SEMA5A: variants seen among roughly 807,000 people sequenced by gnomAD.
SEMA5A encodes the protein semaphorin-5A.
In SEMA5A, 55 loss-of-function variants were observed where a neutral mutation model predicts 135.5. The observed-to-expected ratio is 0.41, with a 90% CI of 0.33 to 0.51. SEMA5A has a LOEUF of 0.51. SEMA5A is among the 20% of genes least tolerant of loss of function. The pLI, the probability that SEMA5A is intolerant of heterozygous loss-of-function variation, is 0.37. For synonymous variants in SEMA5A, 580 were observed against 546.5 expected (o/e 1.06, Z -0.85); for missense variants, 1,290 against 1,419.9 (o/e 0.91, Z 1.47).
chr5:9,535,576 A>G (rs1737715136), intron 1 of SEMA5A, among the ~76,000 whole-genome samples: 1 of 72,768 alleles, frequency 1.4e-5, no homozygotes, highest in Non-Finnish European at 3.3e-5. Flanking sequence ...GTTGTTTAAA[A>G]AAAAAATGCA....
At position 9,044,063 on chromosome 5, in the gene SEMA5A, G is replaced by C. The variant is rs1736106577; in HGVS notation, c.3105+310C>G. ...CCCCAGATCTACCATCTGAGTGAGG[G>C]GAGATGCTCATGGCTTGTGGATCTT... On this transcript the variant is annotated intron_variant, in intron 22 of 22. Transcript: ENST00000382496. Among the ~76,000 whole-genome samples the C allele has an allele frequency of 2.0e-5, 3 of 152,166 alleles. No individual in the cohort carries two copies. The South Asian group carries it at 6.2e-4, about 32-fold the overall frequency.
chr5:9,111,188 C>G (rs920801262), intron 15 of SEMA5A, among the ~76,000 whole-genome samples: 1 of 152,054 alleles, frequency 6.6e-6, no homozygotes, highest in African/African-American at 2.4e-5. Flanking sequence ...GAGAAGTAGG[C>G]TATCTCCATT....
At chr5:9,296,349 T>C (rs1422407390) in intron 5 of SEMA5A, among the ~76,000 whole-genome samples, 1 of 152,156 alleles carries the variant, frequency 6.6e-6, no homozygotes, top group Non-Finnish European at 1.5e-5. Flanking sequence ...AACTGCGATT[T>C]GTCAAAAACT....
intron 12 of SEMA5A, among the ~76,000 whole-genome samples, chr5:9,151,021 ATGTTG>A (rs1742607232): frequency 6.6e-6 from 1 of 152,156 alleles, no homozygotes; most frequent in Non-Finnish European, 1.5e-5. Context: ...CCCAGGTCTC[ATGTTG>A]CAGTAGCTAT....
intron 4 of SEMA5A, among the ~76,000 whole-genome samples, chr5:9,336,908 T>C (rs1388958372): frequency 6.6e-6 from 1 of 152,236 alleles, no homozygotes; most frequent in East Asian, 1.9e-4. Context: ...CATCCTTAGA[T>C]GCCAGAGGAA....
At chr5:9,044,617 T>G in intron 21 of SEMA5A, 33 bp from the exon 22 acceptor site, 1 of 1,567,716 alleles carries the variant, frequency 6.4e-7, no homozygotes, top group Non-Finnish European at 8.8e-7. Flanking sequence ...ATGCCACACT[T>G]GAAAAGAACA....
rs150126049 is a variant in SEMA5A at position 9,118,061 on chromosome 5, T to C, written c.1925+937A>G. Among the ~76,000 whole-genome samples the C allele has an allele frequency of 3.3e-5, 5 of 152,324 alleles. No individual in the cohort carries two copies. In the East Asian group the frequency reaches 9.7e-4, roughly 29 times the overall value. ...AATAGAGAGCTATCTAAACAGTAAGTCTGTTGGTTCTGTTCGTATAAATAC... is the reference window on the plus strand; with the variant it reads ...AATAGAGAGCTATCTAAACAGTAAGCCTGTTGGTTCTGTTCGTATAAATAC... On this transcript the variant is annotated intron_variant, in intron 15 of 22. Coordinates refer to ENST00000382496, the MANE Select transcript of SEMA5A (RefSeq NM_003966.3).
At chr5:9,431,235 T>G (rs903105264) in intron 2 of SEMA5A, among the ~76,000 whole-genome samples, 3 of 152,134 alleles carry the variant, frequency 2.0e-5, no homozygotes, top group Non-Finnish European at 4.4e-5. Flanking sequence ...TGAGCTGTGA[T>G]AAGGGTACCC....
Position 9,545,028 on chromosome 5 carries a change from C to A in SEMA5A, c.-175+556G>T, listed in dbSNP as rs1008474960. ...CTGGTGGTTCCCCAGGCCTCTGCAT[C>A]CCCCGCCTTAGTGTCTTTCATTAAC... On this transcript the variant is annotated intron_variant, in intron 1 of 22. Coordinates refer to ENST00000382496, the MANE Select transcript of SEMA5A (RefSeq NM_003966.3). This position sits in a 1 kb window ranked among gnomAD's most constrained non-coding sequence, Gnocchi z 4.5. Among the ~76,000 whole-genome samples the A allele has an allele frequency of 7.2e-5, 11 of 152,294 alleles. No homozygotes were observed. The South Asian group carries it at 2.3e-3, about 32-fold the overall frequency.
In SEMA5A at chr5:9,190,402, T is replaced by C; in HGVS notation, c.1138A>G (p.Ile380Val). 6.2e-7 allele frequency: 1 copy of C among 1,613,960 alleles called. No homozygotes were observed. Among genetic ancestry groups the C allele is most frequent in the Non-Finnish European group, 8.5e-7 (1 of 1,180,006 alleles). Residue 380 changes from isoleucine to valine, a missense_variant, in exon 11 of 23, where the codon ATT becomes GTT. Ile to Val is a conservative substitution (Grantham distance 29). Transcript: ENST00000382496. ...GGCTGTACCACCTCATGCATCAGAATGAACTTCTGAGCATCCTGCAGATTT... is the reference window on the plus strand; with the variant it reads ...GGCTGTACCACCTCATGCATCAGAACGAACTTCTGAGCATCCTGCAGATTT... ...ERNLQDAQKF[I>V]LMHEVVQPVT...
chr5:9,461,276 C>T (rs1039657485), intron 1 of SEMA5A, among the ~76,000 whole-genome samples: 1 of 152,196 alleles, frequency 6.6e-6, no homozygotes, highest in Non-Finnish European at 1.5e-5. Flanking sequence ...CTCAAGGTGT[C>T]TTACAGAGAA....
chr5:9,527,532 G>A (rs1737203089), intron 1 of SEMA5A, among the ~76,000 whole-genome samples: 1 of 152,194 alleles, frequency 6.6e-6, no homozygotes, highest in African/African-American at 2.4e-5. Context: ...TGACCAAACA[G>A]AGGTGGCGAT....
chr5:9,184,431 T>C (rs1744698571), intron 11 of SEMA5A, among the ~76,000 whole-genome samples: 1 of 152,196 alleles, frequency 6.6e-6, no homozygotes, highest in African/African-American at 2.4e-5. Context: ...ATAGTGTCTT[T>C]GGGCACAAGT....
chr5:9,191,604 A>G (rs1201941573), intron 10 of SEMA5A, among the ~76,000 whole-genome samples: 1 of 144,232 alleles, frequency 6.9e-6, no homozygotes, highest in African/African-American at 2.6e-5. Flanking sequence ...GCAAACGTAT[A>G]AGATGGAAAT....
chr5:9,296,288 G>A (rs1276364491), intron 5 of SEMA5A, among the ~76,000 whole-genome samples: 2 of 152,060 alleles, frequency 1.3e-5, no homozygotes, highest in East Asian at 3.9e-4. Context: ...TATCTTTGAG[G>A]TTGATCTATA....
chr5:9,464,183 A>G (rs1445911963), intron 1 of SEMA5A, among the ~76,000 whole-genome samples: 18 of 152,216 alleles, frequency 1.2e-4, no homozygotes, highest in Admixed American at 1.2e-3. Context: ...CCTAGGAAAC[A>G]AAGTTGCCCC....
intron 12 of SEMA5A, among the ~76,000 whole-genome samples, chr5:9,149,980 C>T (rs1028726574): frequency 1.3e-5 from 2 of 152,156 alleles, no homozygotes; most frequent in Non-Finnish European, 2.9e-5. Context: ...CATCCTGTGC[C>T]TCCTCATGGA....
chr5:9,189,923 CCAA>C (rs1446311739), intron 11 of SEMA5A, among the ~76,000 whole-genome samples: 3 of 152,150 alleles, frequency 2.0e-5, no homozygotes, highest in East Asian at 1.9e-4. Context: ...AATATTTCAC[CCAA>C]CAACATCTTC....
chr5:9,443,060 T>C (rs1050538116), intron 1 of SEMA5A, among the ~76,000 whole-genome samples: 1 of 152,348 alleles, frequency 6.6e-6, no homozygotes, highest in African/African-American at 2.4e-5. Context: ...ACTCTGGTTA[T>C]ACGCACTGCA....
Sources: allele counts gnomAD v4.1 joint callset (sites outside exome capture counted in the v4.1 genomes callset), GRCh38; gene constraint gnomAD v4.1.1; non-coding constraint Gnocchi (gnomAD v3.1); transcripts MANE v1.5; gene names NCBI Gene and HGNC (gene_info 2026-07-23, HGNC 2026-07-21).